The following ALCAM variants were observed in gnomAD, a reference collection of about 807,000 sequenced individuals.
ALCAM encodes CD166 antigen.
Under a neutral mutation model 70.9 loss-of-function variants are expected in ALCAM, and 30 were observed. The observed-to-expected ratio is 0.42, with a 90% CI of 0.32 to 0.57. The LOEUF is 0.57. Among genes scored for constraint, ALCAM ranks in the 20% least tolerant of loss-of-function variants. The pLI is 0.11. For synonymous variants in ALCAM, 249 were observed against 242.5 expected (o/e 1.03, Z -0.25); for missense variants, 591 against 695.1 (o/e 0.85, Z 1.68).
intron 1 of ALCAM, among the ~76,000 whole-genome samples, chr3:105,446,499 T>C (rs1008751313): frequency 6.6e-6 from 1 of 152,096 alleles, no homozygotes; most frequent in Non-Finnish European, 1.5e-5. Flanking sequence ...GGTTGGTATG[T>C]TGAAGAGATA....
intron 14 of ALCAM, among the ~76,000 whole-genome samples, chr3:105,564,061 T>C (rs1576244428): frequency 6.6e-6 from 1 of 152,284 alleles, no homozygotes; most frequent in Non-Finnish European, 1.5e-5. Context: ...CATTGAGATT[T>C]ATTTTTTGGC....
At chr3:105,468,151 A>G (rs1937803687) in intron 1 of ALCAM, among the ~76,000 whole-genome samples, 2 of 151,362 alleles carry the variant, frequency 1.3e-5, no homozygotes, top group East Asian at 1.9e-4. Context: ...CTAAACATGT[A>G]CCTGCAAATT....
chr3:105,547,567 C>T (rs750540930), intron 11 of ALCAM, 44 bp downstream of exon 11: 16 of 1,588,004 alleles, frequency 1.0e-5, no homozygotes, highest in African/African-American at 4.1e-5. Context: ...TCGTCCAATG[C>T]GTTTTTTTTC....
intron 1 of ALCAM, among the ~76,000 whole-genome samples, chr3:105,397,711 CA>C (rs1277101909): frequency 6.6e-6 from 1 of 151,902 alleles, no homozygotes; most frequent in East Asian, 1.9e-4. Context: ...TTTTAAAGAA[CA>C]CTTTGTTTTC....
chr3:105,559,339 A>T (rs1372404733), intron 14 of ALCAM, among the ~76,000 whole-genome samples: 1 of 148,926 alleles, frequency 6.7e-6, no homozygotes, highest in Admixed American at 6.7e-5. Flanking sequence ...ATGCTATTAT[A>T]ACAAAATACC....
At chr3:105,548,888 G>A (rs2152631168) in intron 11 of ALCAM, among the ~76,000 whole-genome samples, 1 of 151,472 alleles carries the variant, frequency 6.6e-6, no homozygotes, top group South Asian at 2.1e-4. Context: ...GTTCAATTAA[G>A]TGATAACTGC....
At chr3:105,511,971 A>G (rs1939251920) in intron 1 of ALCAM, among the ~76,000 whole-genome samples, 2 of 152,006 alleles carry the variant, frequency 1.3e-5, no homozygotes, top group African/African-American at 2.4e-5. Flanking sequence ...TAATTCTAAT[A>G]CTATTGAATA....
In ALCAM at chr3:105,534,680, A is replaced by G. The variant is rs776014875; in HGVS notation, c.565A>G (p.Lys189Glu). The stretch of plus-strand genomic sequence containing the variant: ...TTCTTCAGCGGTGGTCATAATTTTT[A>G]AAAAGGAAATGGACCCAGTGACTCA... ...PLEGAVVIIF[K>E]KEMDPVTQLY... The change falls in exon 6 of 16, where the codon AAA becomes GAA. Residue 189 changes from lysine (K) to glutamate (E), a missense_variant. By Grantham distance (56) the Lys-to-Glu change is moderately conservative (BLOSUM62 1). Coordinates refer to ENST00000306107, the MANE Select transcript of ALCAM (RefSeq NM_001627.4). 4 of 1,613,404 alleles carry G rather than the reference A, an allele frequency of 2.5e-6. No individual in the cohort carries two copies. Among genetic ancestry groups the G allele is most frequent in the African/African-American group, 2.7e-5 (2 of 74,828 alleles).
intron 3 of ALCAM, among the ~76,000 whole-genome samples, chr3:105,525,833 A>T (rs143136387): frequency 6.6e-6 from 1 of 152,178 alleles, no homozygotes; most frequent in Non-Finnish European, 1.5e-5. Context: ...CTTTCCAGAA[A>T]CCATCCACAC....
intron 8 of ALCAM, 25 bp downstream of exon 8, chr3:105,541,790 C>A: frequency 1.2e-6 from 2 of 1,610,438 alleles, no homozygotes; most frequent in Non-Finnish European, 1.7e-6. Flanking sequence ...TCTTCATCAG[C>A]AGCTTCACCT....
intron 1 of ALCAM, among the ~76,000 whole-genome samples, chr3:105,380,187 T>G (rs555414678): frequency 6.6e-6 from 1 of 151,992 alleles, no homozygotes; most frequent in East Asian, 1.9e-4. Context: ...ATATATTCCC[T>G]TGATTTAGGT....
At chr3:105,442,951 C>T (rs1398552287) in intron 1 of ALCAM, among the ~76,000 whole-genome samples, 1 of 152,014 alleles carries the variant, frequency 6.6e-6, no homozygotes, top group Non-Finnish European at 1.5e-5. Context: ...CACTTGAGCC[C>T]CCTGAGTAGC....
At chr3:105,493,993 C>A (rs948203603) in intron 1 of ALCAM, among the ~76,000 whole-genome samples, 2 of 152,126 alleles carry the variant, frequency 1.3e-5, no homozygotes, top group African/African-American at 4.8e-5. Flanking sequence ...CAGCATACGA[C>A]CCCAGGACTG....
At chr3:105,372,555 G>A (rs1288682386) in intron 1 of ALCAM, among the ~76,000 whole-genome samples, 1 of 151,930 alleles carries the variant, frequency 6.6e-6, no homozygotes, top group Admixed American at 6.6e-5. Flanking sequence ...TCCATTGAAG[G>A]GGAAATCAGA....
chr3:105,513,111 G>T (rs993688015), intron 1 of ALCAM, among the ~76,000 whole-genome samples: 5 of 138,486 alleles, frequency 3.6e-5, no homozygotes, highest in Non-Finnish European at 7.6e-5. Context: ...CACGCATACA[G>T]AGCATGAAGT....
intron 1 of ALCAM, among the ~76,000 whole-genome samples, chr3:105,408,851 C>T (rs1453763923): frequency 6.7e-6 from 1 of 150,314 alleles, no homozygotes; most frequent in East Asian, 1.9e-4. Flanking sequence ...AATAAATCAG[C>T]AAGAAAAAAA....
At chr3:105,504,868 A>G (rs1013828067) in intron 1 of ALCAM, among the ~76,000 whole-genome samples, 5 of 152,054 alleles carry the variant, frequency 3.3e-5, no homozygotes, top group African/African-American at 1.2e-4. Flanking sequence ...CCCTCTACCC[A>G]GCTCTTCCCT....
At chr3:105,547,629 G>A (rs1486244934) in intron 11 of ALCAM, 106 bp downstream of exon 11, 3 of 1,410,884 alleles carry the variant, frequency 2.1e-6, no homozygotes, top group Non-Finnish European at 2.9e-6. Context: ...AATTTGCAGT[G>A]TGTAGGTTGG....
intron 1 of ALCAM, chr3:105,439,403 A>G (rs1203571622): frequency 6.6e-6 from 1 of 152,014 alleles, no homozygotes; most frequent in African/African-American, 2.4e-5. Flanking sequence ...TTTTTAACCA[A>G]TAAGCATGGA....
Sources: allele counts gnomAD v4.1 joint callset (sites outside exome capture counted in the v4.1 genomes callset), GRCh38; gene constraint gnomAD v4.1.1; transcripts MANE v1.5; gene names NCBI Gene and HGNC (gene_info 2026-07-23, HGNC 2026-07-21).